The following COL5A2 variants were observed in gnomAD, a reference collection of about 807,000 sequenced individuals.
COL5A2 encodes the protein collagen alpha-2(V) chain.
A neutral mutation model predicts 208.2 loss-of-function variants in COL5A2; 23 were observed. That is an observed-to-expected ratio of 0.11 (90% CI 0.08 to 0.16). The LOEUF is 0.16. Ranked by LOEUF, COL5A2 falls within the 10% of genes least tolerant of loss-of-function variation. The pLI is 1.00. For missense variants in COL5A2, 1,590 were observed against 1,956.4 expected (o/e 0.81, Z 3.53); for synonymous variants, 625 against 628.5 (o/e 0.99, Z 0.08).
chr2:189,148,912 G>A (rs920701086), intron 1 of COL5A2, among the ~76,000 whole-genome samples: 6 of 152,170 alleles, frequency 3.9e-5, no homozygotes, highest in African/African-American at 9.7e-5. Context: ...GGCCGAGGCA[G>A]GTGGATCACT....
At chr2:189,433,618 C>G in the COL5A2 span, among the ~76,000 whole-genome samples, 1 of 152,108 alleles carries the variant, frequency 6.6e-6, no homozygotes, top group African/African-American at 2.4e-5. Flanking sequence ...TACACCCTCC[C>G]AAGACTAAAC....
At chr2:189,293,780 C>G in the COL5A2 span, among the ~76,000 whole-genome samples, 1 of 152,084 alleles carries the variant, frequency 6.6e-6, no homozygotes, top group Non-Finnish European at 1.5e-5. Flanking sequence ...AACTAAATTT[C>G]TATTGATTAA....
At chr2:189,322,001 C>A in the COL5A2 span, among the ~76,000 whole-genome samples, 1 of 152,188 alleles carries the variant, frequency 6.6e-6, no homozygotes, top group Admixed American at 6.5e-5. Context: ...TGCAATCAAA[C>A]TAGAACTCAG....
At chr2:189,236,384 G>A in the COL5A2 span, among the ~76,000 whole-genome samples, 7 of 151,696 alleles carry the variant, frequency 4.6e-5, no homozygotes, top group East Asian at 1.9e-4. Context: ...AATATATATC[G>A]CAGAGTAGAA....
chr2:189,414,753 CAAAAAAAA>C, the COL5A2 span, among the ~76,000 whole-genome samples: 5 of 70,298 alleles, frequency 7.1e-5, no homozygotes, highest in African/African-American at 2.2e-4. Flanking sequence ...GACTCTGTCT[CAAAAAAAA>C]AAAAAAAAAA....
rs576765088 is a variant in COL5A2 at position 189,071,924 on chromosome 2, CT to C, written c.1158+115del. ...ATGAAAAATGAGCATACTCTAGGCT[CT>C]TTCCTTAGTTAAAAGTAACTTTCAC... On this transcript the variant is annotated intron_variant, in intron 18 of 53. Coordinates refer to ENST00000374866, the MANE Select transcript of COL5A2 (RefSeq NM_000393.5). 102 of 705,278 alleles carry C rather than the reference CT, an allele frequency of 1.4e-4. No homozygotes were observed. The East Asian group carries it at 2.8e-3, about 19-fold the overall frequency. The allele number at this position is 705,278 out of a possible 1,614,324, so 43.7% of individuals were successfully genotyped here.
intron 1 of COL5A2, among the ~76,000 whole-genome samples, chr2:189,195,004 CA>C (rs1688982003): frequency 6.6e-6 from 1 of 152,110 alleles, no homozygotes; most frequent in South Asian, 2.1e-4. Flanking sequence ...AAAGGGTATT[CA>C]AACAGGAAGA....
chr2:189,433,039 G>A, the COL5A2 span, among the ~76,000 whole-genome samples: 356 of 152,206 alleles, frequency 2.3e-3, 1 homozygote, highest in African/African-American at 7.4e-3. Flanking sequence ...ACTCGAAACC[G>A]TGCAACTACA....
At chr2:189,410,051 T>C in the COL5A2 span, among the ~76,000 whole-genome samples, 1 of 152,068 alleles carries the variant, frequency 6.6e-6, no homozygotes, top group Non-Finnish European at 1.5e-5. Context: ...CAATCAGAAG[T>C]AGAGGAATTT....
At chr2:189,275,546 T>A in the COL5A2 span, among the ~76,000 whole-genome samples, 2 of 151,908 alleles carry the variant, frequency 1.3e-5, no homozygotes, top group South Asian at 2.1e-4. Flanking sequence ...CTCCACCTTC[T>A]GGGTTCAAGT....
chr2:189,291,208 T>C, the COL5A2 span, among the ~76,000 whole-genome samples: 2 of 152,130 alleles, frequency 1.3e-5, no homozygotes, highest in Admixed American at 6.5e-5. Context: ...TGGGTATAGT[T>C]AGTCTTCTCA....
chr2:189,368,883 A>G, the COL5A2 span, among the ~76,000 whole-genome samples: 1 of 152,194 alleles, frequency 6.6e-6, no homozygotes, highest in Non-Finnish European at 1.5e-5. Context: ...TCAGGTGATC[A>G]TAAAGAAAAA....
At position 189,042,017 on chromosome 2, in the gene COL5A2, G is replaced by A. The variant is rs10194682; in HGVS notation, c.3526-324C>T. ...TTCAATTAACTTGAAATAAGAAAAT[G>A]ACAGAAGTTGGAGTGTTTAAGTGAA... On this transcript the variant is annotated intron_variant, in intron 49 of 53. Coordinates refer to ENST00000374866, the MANE Select transcript of COL5A2 (RefSeq NM_000393.5). Among the ~76,000 whole-genome samples the A allele has an allele frequency of 0.71, 108,435 of 152,116 alleles. 39,695 individuals are homozygous for A. Among genetic ancestry groups the A allele is most frequent in the Non-Finnish European group, 0.81 (55,072 of 67,996 alleles).
chr2:189,386,420 G>A, the COL5A2 span, among the ~76,000 whole-genome samples: 1 of 152,022 alleles, frequency 6.6e-6, no homozygotes, highest in African/African-American at 2.4e-5. Context: ...ATTGGCATTG[G>A]CAAATAATTT....
chr2:189,210,378 G>A (rs1057367479), intron 1 of COL5A2, among the ~76,000 whole-genome samples: 3 of 150,578 alleles, frequency 2.0e-5, no homozygotes, highest in Non-Finnish European at 4.4e-5. Flanking sequence ...AGGAGAATGA[G>A]TCATATTTTC....
chr2:189,082,505 C>T (rs924447738), intron 12 of COL5A2, among the ~76,000 whole-genome samples: 1 of 152,196 alleles, frequency 6.6e-6, no homozygotes, highest in African/African-American at 2.4e-5. Flanking sequence ...TAGCAGGCAA[C>T]TTAGTGCAGA....
chr2:189,098,872 G>T, intron 4 of COL5A2, 113 bp from the exon 5 acceptor site: 1 of 741,250 alleles, frequency 1.3e-6, no homozygotes, highest in Non-Finnish European at 2.4e-6. Flanking sequence ...TTTAACAAAT[G>T]GATGTTGTCA....
intron 1 of COL5A2, among the ~76,000 whole-genome samples, chr2:189,193,172 T>C: frequency 6.6e-6 from 1 of 152,206 alleles, no homozygotes; most frequent in Admixed American, 6.5e-5. Context: ...TTTGTTTTAG[T>C]AGCCCAAAGC....
intron 26 of COL5A2, 45 bp from the exon 27 acceptor site, chr2:189,063,315 C>G: frequency 6.8e-7 from 1 of 1,472,932 alleles, no homozygotes; most frequent in Non-Finnish European, 9.5e-7. Context: ...TAAGTTGTTT[C>G]TAAACATAGC....
Sources: gnomAD v4.1 joint callset for allele counts (sites outside exome capture counted in the v4.1 genomes callset) on GRCh38, gnomAD v4.1.1 for gene constraint, MANE v1.5 for transcripts, NCBI Gene and HGNC (gene_info 2026-07-23, HGNC 2026-07-21) for gene names.